UBAP2: variants seen among roughly 807,000 people sequenced by gnomAD.
UBAP2 encodes the protein ubiquitin associated protein 2, also known as ubiquitin-associated protein 2.
In UBAP2, 75 loss-of-function variants were observed where a neutral mutation model predicts 139.6. The observed-to-expected ratio is 0.54, with a 90% CI of 0.45 to 0.65. The LOEUF (loss-of-function observed/expected upper bound fraction) is 0.65. UBAP2 is among the 30% of genes least tolerant of loss of function. The probability of loss-of-function intolerance (pLI) is 0.00; values close to 1 mark genes in which losing one functional copy is unlikely to be tolerated. For synonymous variants in UBAP2, 526 were observed against 526.2 expected (o/e 1.00, Z 0.01); for missense variants, 1,368 against 1,369.6 (o/e 1.00, Z 0.02).
At chr9:33,942,944 G>T (rs1370491681) in intron 15 of UBAP2, among the ~76,000 whole-genome samples, 4 of 152,050 alleles carry the variant, frequency 2.6e-5, no homozygotes, top group African/African-American at 9.7e-5. Flanking sequence ...CTACTCCTGG[G>T]ATATACATCC....
At chr9:33,944,980 T>C (rs1294738577) in intron 13 of UBAP2, among the ~76,000 whole-genome samples, 2 of 152,046 alleles carry the variant, frequency 1.3e-5, no homozygotes, top group Non-Finnish European at 2.9e-5. Context: ...TGTTAAAAAT[T>C]TGAGCCAGGC....
chr9:33,979,917 C>A (rs961151676), intron 6 of UBAP2, among the ~76,000 whole-genome samples: 8 of 150,930 alleles, frequency 5.3e-5, no homozygotes, highest in Admixed American at 2.6e-4. Context: ...ACTAAAAATA[C>A]AAAAAATTAG....
chr9:34,016,244 A>ACGG, intron 2 of UBAP2, among the ~76,000 whole-genome samples: 1 of 53,624 alleles, frequency 1.9e-5, no homozygotes, highest in Non-Finnish European at 5.5e-5. Context: ...GAAGGGGAGG[A>ACGG]AGAGGAGGAG....
At chr9:33,966,080 T>C (rs758393881) in intron 8 of UBAP2, among the ~76,000 whole-genome samples, 2 of 151,918 alleles carry the variant, frequency 1.3e-5, no homozygotes, top group Non-Finnish European at 2.9e-5. Flanking sequence ...AGTGTGGGTC[T>C]TAGAACTTTT....
At chr9:33,974,055 A>AT (rs529425027) in intron 6 of UBAP2, among the ~76,000 whole-genome samples, 275 of 152,232 alleles carry the variant, frequency 1.8e-3, no homozygotes, top group African/African-American at 5.3e-3. Flanking sequence ...AACTATTTTT[A>AT]TGGGCATGTG....
At chr9:33,989,866 CA>C (rs1484114562) in intron 4 of UBAP2, among the ~76,000 whole-genome samples, 1 of 152,128 alleles carries the variant, frequency 6.6e-6, no homozygotes, top group East Asian at 1.9e-4. Flanking sequence ...TTCCATTATT[CA>C]AACTAATTAT....
In UBAP2 at chr9:33,924,207, T is replaced by A; in HGVS notation, c.2589A>T (p.Pro863=). 1 of 1,614,164 alleles carries A rather than the reference T, an allele frequency of 6.2e-7. No homozygotes were observed. Among genetic ancestry groups the A allele is most frequent in the Non-Finnish European group, 8.5e-7 (1 of 1,179,996 alleles). Residue 863 remains proline (P), a splice_region_variant and synonymous_variant, in exon 23 of 29, where the codon CCA becomes CCT. Coordinates refer to ENST00000379238, the MANE Select transcript of UBAP2 (RefSeq NM_001370062.2). ...TCCTCATCCATTGAGCAAACTCACCTGGATATGGATTATTAGCTAGGCTCC... is the reference window on the plus strand; with the variant it reads ...TCCTCATCCATTGAGCAAACTCACCAGGATATGGATTATTAGCTAGGCTCC... ...RDGSLANNPY[P]GDVTKFGRGD... is the part of the protein sequence containing the mutation.
chr9:34,005,822 G>A (rs1370037879), intron 2 of UBAP2, among the ~76,000 whole-genome samples: 3 of 152,114 alleles, frequency 2.0e-5, no homozygotes, highest in African/African-American at 4.8e-5. Context: ...TAAGAAAAAT[G>A]TCTGGAAAAC....
At chr9:33,992,841 A>T (rs1821838038) in intron 4 of UBAP2, among the ~76,000 whole-genome samples, 1 of 152,186 alleles carries the variant, frequency 6.6e-6, no homozygotes, top group Non-Finnish European at 1.5e-5. Context: ...AACCTCTGTT[A>T]TCGGTATTTT....
At chr9:34,038,608 G>C (rs536559002) in intron 1 of UBAP2, among the ~76,000 whole-genome samples, 2 of 152,324 alleles carry the variant, frequency 1.3e-5, no homozygotes, top group African/African-American at 4.8e-5. Context: ...AGGCTGGAGT[G>C]CAGTGGCGTG....
At chr9:34,043,629 G>C (rs1827287702) in intron 1 of UBAP2, among the ~76,000 whole-genome samples, 1 of 151,548 alleles carries the variant, frequency 6.6e-6, no homozygotes, top group African/African-American at 2.4e-5. Flanking sequence ...AAGTAGATGG[G>C]ACTCTGGGTA....
intron 6 of UBAP2, among the ~76,000 whole-genome samples, chr9:33,986,144 T>C (rs973921670): frequency 6.6e-6 from 1 of 151,322 alleles, no homozygotes; most frequent in African/African-American, 2.4e-5. Context: ...CCTCCACCTC[T>C]TGGGTCCAAG....
chr9:33,968,070 T>G, intron 8 of UBAP2: 1 of 454,612 alleles, frequency 2.2e-6, no homozygotes, highest in Middle Eastern at 3.5e-4. Context: ...CAAAAGGCAC[T>G]CTAACTTATC....
At chr9:33,955,900 C>T (rs1329584047) in intron 11 of UBAP2, among the ~76,000 whole-genome samples, 179 bp downstream of exon 11, 2 of 150,468 alleles carry the variant, frequency 1.3e-5, no homozygotes, top group African/African-American at 4.9e-5. Flanking sequence ...TCAGTGGATA[C>T]ATCAATTAGA....
rs745449642 is a variant in UBAP2, at chr9:33,922,607, A to T, written c.3265-8T>A. Reference sequence around the variant, plus strand: ...GCGCTGACCCGAGCCACTCTGAGGAAGAGGAGAAGGGAAGGCTGTCAAGGC... The same window carrying T: ...GCGCTGACCCGAGCCACTCTGAGGATGAGGAGAAGGGAAGGCTGTCAAGGC... On this transcript the variant is annotated splice_polypyrimidine_tract_variant and splice_region_variant and intron_variant, in intron 28 of 28. Transcript: ENST00000379238. 1 of 1,612,378 alleles carries T rather than the reference A, an allele frequency of 6.2e-7. No individual in the cohort carries two copies. The highest frequency in any genetic ancestry group is 1.1e-5 in the South Asian group (1 of 90,882).
rs1554686735 is a variant in UBAP2 at position 33,981,123 on chromosome 9, T to TATTCTGG, written c.520+5636_520+5637insCCAGAAT. Among the ~76,000 whole-genome samples the TATTCTGG allele has an allele frequency of 1.4e-4, 2 of 14,574 alleles. 1 individual carries two copies. Among genetic ancestry groups the TATTCTGG allele is most frequent in the Non-Finnish European group, 3.3e-4 (2 of 6,010 alleles). The allele number at this position is 14,574 out of a possible 152,430, so 9.6% of individuals were successfully genotyped here. The stretch of plus-strand genomic sequence containing the variant: ...TTCTGGATATATATATATATATATA[T>TATTCTGG]ATATATATATATATTCTGGATATAT... On this transcript the variant is annotated intron_variant, in intron 6 of 28. Coordinates refer to ENST00000379238, the MANE Select transcript of UBAP2 (RefSeq NM_001370062.2).
chr9:33,943,700 G>A, intron 14 of UBAP2, 111 bp from the exon 15 acceptor site: 5 of 916,608 alleles, frequency 5.5e-6, no homozygotes, highest in Non-Finnish European at 8.2e-6. Context: ...CTGGCAAGAA[G>A]AAGGAGTGAG....
chr9:34,014,846 T>A (rs1312382826), intron 2 of UBAP2, among the ~76,000 whole-genome samples: 1 of 151,672 alleles, frequency 6.6e-6, no homozygotes, highest in Non-Finnish European at 1.5e-5. Flanking sequence ...AAGGAGGACC[T>A]AGCCTAAAAC....
intron 11 of UBAP2, 114 bp from the exon 12 acceptor site, chr9:33,953,588 C>A: frequency 8.7e-7 from 1 of 1,144,814 alleles, no homozygotes. Context: ...ATGAGGAGAA[C>A]CTTTGGAAAA....
Sources: gnomAD v4.1 joint callset for allele counts (sites outside exome capture counted in the v4.1 genomes callset) on GRCh38, gnomAD v4.1.1 for gene constraint, MANE v1.5 for transcripts, NCBI Gene and HGNC (gene_info 2026-07-23, HGNC 2026-07-21) for gene names.